The following NCOR2 variants were observed in gnomAD, a reference collection of about 807,000 sequenced individuals.
The protein encoded by NCOR2 is CTG repeat protein 26.
A neutral mutation model predicts 262.9 loss-of-function variants in NCOR2; 81 were observed. The observed-to-expected ratio is 0.31, with a 90% confidence interval of 0.26 to 0.37. The LOEUF (loss-of-function observed/expected upper bound fraction) is 0.37. NCOR2 is among the 10% of genes least tolerant of loss of function. The pLI, the probability that NCOR2 is intolerant of heterozygous loss-of-function variation, is 1.00. For synonymous variants in NCOR2, 1,659 were observed against 1,559.3 expected (o/e 1.06, Z -1.51); for missense variants, 3,385 against 3,621.4 (o/e 0.93, Z 1.68).
intron 5 of NCOR2, among the ~76,000 whole-genome samples, chr12:124,460,017 C>T (rs2046081977): frequency 6.6e-6 from 1 of 152,210 alleles, no homozygotes; most frequent in African/African-American, 2.4e-5. Flanking sequence ...ACTCAGCCTC[C>T]CCTCCCCACA....
In NCOR2 at chr12:124,549,669, C is replaced by T. The variant is rs187882673; in HGVS notation, c.-164-14058G>A. On this transcript the variant is annotated intron_variant, in intron 1 of 32. Transcript: ENST00000458234. The surrounding 1 kb of genome is among the most constrained non-coding windows in gnomAD (Gnocchi z 4.4). ...GGAGGTAAATGCTATTACGAACACC[C>T]TTCTCCAGATGGGGAAACCGAGGCC... 1.6e-4 allele frequency among the ~76,000 whole-genome samples: 25 copies of T among 152,282 alleles called. No individual in the cohort carries two copies. Among genetic ancestry groups the T allele is most frequent in the South Asian group, 2.1e-4 (1 of 4,824 alleles).
intron 21 of NCOR2, 142 bp from the exon 24 acceptor site, chr12:124,362,439 A>C (rs1250128648): frequency 3.1e-5 from 23 of 742,272 alleles, no homozygotes; most frequent in Non-Finnish European, 4.5e-5. Context: ...GCGGCAAGAA[A>C]GGGAGGTCTT....
intron 20 of NCOR2, among the ~76,000 whole-genome samples, chr12:124,366,582 C>T (rs1328415879): frequency 1.3e-5 from 2 of 152,262 alleles, no homozygotes; most frequent in South Asian, 2.1e-4. Flanking sequence ...TGTAATCTCA[C>T]TGCAGCCTTG....
At chr12:124,342,471 G>A (rs1028303740) in intron 33 of NCOR2, among the ~76,000 whole-genome samples, 1 of 152,116 alleles carries the variant, frequency 6.6e-6, no homozygotes, top group African/African-American at 2.4e-5. Context: ...CCGGGTTCAC[G>A]CCATTCTCCT....
intron 6 of NCOR2, among the ~76,000 whole-genome samples, chr12:124,451,908 G>T (rs1352747173): frequency 6.6e-6 from 1 of 151,778 alleles, no homozygotes; most frequent in Non-Finnish European, 1.5e-5. Flanking sequence ...GTCTCGGCTG[G>T]TGACAATGTC....
At chr12:124,402,008 T>A (rs2042010886) in intron 14 of NCOR2, among the ~76,000 whole-genome samples, 1 of 152,132 alleles carries the variant, frequency 6.6e-6, no homozygotes, top group South Asian at 2.1e-4. Flanking sequence ...GCACACCTAG[T>A]CCTTCCAGGA....
chr12:124,325,162 C>T (rs1328253447), exon 47 of NCOR2: 4 of 353,156 alleles, frequency 1.1e-5, no homozygotes, highest in Non-Finnish European at 1.5e-5. Context: ...CCTCCCTTCC[C>T]GAGCACCAGG....
At position 124,418,034 on chromosome 12, in the gene NCOR2, C is replaced by G. The variant is rs192472009; in HGVS notation, c.1482+1923G>C. 2.3e-3 allele frequency among the ~76,000 whole-genome samples: 340 copies of G among 150,026 alleles called. 1 individual carries two copies. The highest frequency in any genetic ancestry group is 8.0e-3 in the African/African-American group (326 of 40,706). The stretch of plus-strand genomic sequence containing the variant: ...TGGGATCGCGCCACTGCACTCTGAC[C>G]TGGGCGACGGTGTGAAACTCCATCT... On this transcript the variant is annotated intron_variant, in intron 13 of 46. Transcript: ENST00000405201.
intron 16 of NCOR2, among the ~76,000 whole-genome samples, chr12:124,391,585 C>T (rs1194209594): frequency 6.6e-6 from 1 of 152,186 alleles, no homozygotes; most frequent in African/African-American, 2.4e-5. Flanking sequence ...GTCAGGACTT[C>T]CCGAACTCCT....
In NCOR2 at chr12:124,397,977, C is replaced by T. The variant is rs555541272; in HGVS notation, c.1876+142G>A. The T allele has an allele frequency of 1.5e-5, 14 of 922,182 alleles. No homozygotes were observed. In the East Asian group the frequency reaches 3.4e-4, roughly 22 times the overall value. The allele number at this position is 922,182 out of a possible 1,614,324, so 57.1% of individuals were successfully genotyped here. A position where few individuals can be genotyped will look rare whatever the true frequency, so the allele number is the denominator to read the frequency against. ...GGCTCCAGGGTGACAAACCTGAGAA[C>T]AGCCCAGAACCAGAACCTCACCAGA... On this transcript the variant is annotated intron_variant, in intron 16 of 46. Transcript: ENST00000405201.
chr12:124,356,599 G>T, intron 23 of NCOR2, 43 bp downstream of exon 25: 1 of 1,402,450 alleles, frequency 7.1e-7, no homozygotes, highest in Non-Finnish European at 9.3e-7. Context: ...AACAGCGATT[G>T]TGCACTGGCT....
At chr12:124,431,752 C>T (rs1435681814) in intron 8 of NCOR2, among the ~76,000 whole-genome samples, 2 of 150,726 alleles carry the variant, frequency 1.3e-5, no homozygotes, top group Non-Finnish European at 2.9e-5. Flanking sequence ...GGTACACACA[C>T]AGTAGACACA....
exon 47 of NCOR2, chr12:124,325,264 G>T: frequency 2.0e-6 from 1 of 507,974 alleles, no homozygotes; most frequent in Non-Finnish European, 3.2e-6. Flanking sequence ...GGCTCTGGAC[G>T]GACAGATGGA....
At chr12:124,359,091 GCGGGGCCC>G (rs1318727030) in intron 22 of NCOR2, among the ~76,000 whole-genome samples, 1 of 152,214 alleles carries the variant, frequency 6.6e-6, no homozygotes, top group East Asian at 1.9e-4. Context: ...TGTAAACTCA[GCGGGGCCC>G]CGGGGCTCAG....
At chr12:124,522,431 T>C (rs913794757) in intron 1 of NCOR2, among the ~76,000 whole-genome samples, 1 of 152,138 alleles carries the variant, frequency 6.6e-6, no homozygotes. Flanking sequence ...AGGGGGAGCC[T>C]TCTCTGTGTC....
chr12:124,372,744 T>G, intron 19 of NCOR2, 134 bp from the exon 22 acceptor site: 1 of 750,298 alleles, frequency 1.3e-6, no homozygotes, highest in Non-Finnish European at 2.1e-6. Flanking sequence ...CCTACACACC[T>G]GGGCTGCTGC....
chr12:124,427,378 C>T (rs1460529511), intron 10 of NCOR2, among the ~76,000 whole-genome samples: 1 of 152,194 alleles, frequency 6.6e-6, no homozygotes, highest in South Asian at 2.1e-4. Flanking sequence ...AGGAGTCAGG[C>T]GGCCGCTCCT....
chr12:124,537,958 G>C (rs962383111), upstream of NCOR2: 2 of 152,346 alleles, frequency 1.3e-5, no homozygotes, highest in Non-Finnish European at 2.9e-5. Context: ...AACAGGGAGG[G>C]CCCGGGCACA....
chr12:124,346,267 C>T (rs2036919397), intron 31 of NCOR2, among the ~76,000 whole-genome samples: 1 of 152,214 alleles, frequency 6.6e-6, no homozygotes, highest in African/African-American at 2.4e-5. Flanking sequence ...GGCAGTTACT[C>T]GTCACTATGT....
Sources: gnomAD v4.1 joint callset for allele counts (sites outside exome capture counted in the v4.1 genomes callset) on GRCh38, gnomAD v4.1.1 for gene constraint, Gnocchi (gnomAD v3.1) non-coding constraint, MANE v1.5 for transcripts, NCBI Gene and HGNC (gene_info 2026-07-23, HGNC 2026-07-21) for gene names.